Variants in CFAP410 observed in about 807,000 individuals in gnomAD.
CFAP410 encodes cilia- and flagella-associated protein 410.
Under a neutral mutation model 25.7 loss-of-function variants are expected in CFAP410, and 27 were observed. The observed-to-expected ratio is 1.05, with a 90% CI of 0.77 to 1.45. The LOEUF is 1.45. Ranked by LOEUF, CFAP410 falls within the 40% of genes most tolerant of loss-of-function variation. CFAP410 has a pLI of 0.00. For missense variants in CFAP410, 428 were observed against 354.1 expected, an observed-to-expected ratio of 1.21 and a Z score of -1.67; for synonymous variants, 178 against 158.4, an observed-to-expected ratio of 1.12 and a Z score of -0.93.
At position 44,333,221 on chromosome 21, in the gene CFAP410, T is replaced by TA. The variant is rs760843025; in HGVS notation, c.184_185insT (p.Gln62LeufsTer5). ...CCGCAGGTACAGCTCACTCAGGCGC[T>TA]GGCACCGGCTCACAGGCTCCAGGGT... On this transcript the variant is annotated frameshift_variant, in exon 4 of 7. Transcript: ENST00000339818. LOFTEE classifies it high-confidence loss of function. The TA allele has an allele frequency of 1.2e-6, 2 of 1,612,718 alleles. No individual in the cohort carries two copies. Among genetic ancestry groups the TA allele is most frequent in the African/African-American group, 2.7e-5 (2 of 74,928 alleles).
At chr21:44,330,569 C>G (rs1373110241) in intron 6 of CFAP410, 2 of 1,549,544 alleles carry the variant, frequency 1.3e-6, no homozygotes, top group Non-Finnish European at 1.7e-6. Flanking sequence ...CCCGGGCCCA[C>G]ATTCCACAGA....
chr21:44,334,065 A>G (rs1353958852), intron 3 of CFAP410: 1 of 455,144 alleles, frequency 2.2e-6, no homozygotes, highest in African/African-American at 2.0e-5. Flanking sequence ...TTTTACCAAG[A>G]GCAAAACTCC....
chr21:44,333,075 C>G lies in CFAP410; in HGVS notation c.331G>C (p.Val111Leu), dbSNP rs555164150. ...GTSPHRYRMT[V>L]LRTLPRLQKL... ...TGTAGGCGCGGCAGGGTGCGCAGCACGGTCATGCGGTAGCGGTGGGGGCTG... is the reference window on the plus strand; with the variant it reads ...TGTAGGCGCGGCAGGGTGCGCAGCAGGGTCATGCGGTAGCGGTGGGGGCTG... The change falls in exon 4 of 7, where the codon GTG becomes CTG. Residue 111 changes from valine (V) to leucine (L), a missense_variant. Val to Leu is a conservative substitution (Grantham distance 32). Transcript: ENST00000339818. 3 of 1,607,924 alleles carry G rather than the reference C, an allele frequency of 1.9e-6. No homozygotes were observed. In the African/African-American group the frequency reaches 4.0e-5, roughly 21 times the overall value.
At chr21:44,332,717 T>G in intron 4 of CFAP410, 1 of 390,024 alleles carries the variant, frequency 2.6e-6, no homozygotes. Flanking sequence ...CGCATGGCGA[T>G]GGTCAGAGCA....
intron 2 of CFAP410, 117 bp downstream of exon 2, chr21:44,337,532 T>C (rs550078481): frequency 4.7e-5 from 39 of 833,874 alleles, no homozygotes; most frequent in Middle Eastern, 2.3e-4. Context: ...TGGGACTGAA[T>C]TGATAGGTGC....
chr21:44,338,084 T>C (rs566754532), intron 1 of CFAP410: 11 of 328,752 alleles, frequency 3.3e-5, no homozygotes, highest in Non-Finnish European at 6.3e-5. Context: ...AACAGGGTTG[T>C]TGTTTCTCCC....
intron 3 of CFAP410, chr21:44,334,759 AAGGCTCGGGC>A (rs2047722149): frequency 5.1e-6 from 1 of 196,796 alleles, no homozygotes; most frequent in Admixed American, 5.5e-5. Context: ...TTCATTCAGC[AAGGCTCGGGC>A]AGGACAGGCT....
intron 4 of CFAP410, chr21:44,332,818 A>G: frequency 2.2e-5 from 13 of 579,972 alleles, no homozygotes; most frequent in Non-Finnish European, 4.0e-5. Context: ...TGTCAGTCCC[A>G]GGAGGGACCC....
chr21:44,330,351 A>C (rs1019154843), intron 6 of CFAP410, 25 bp from the exon 7 acceptor site: 2 of 1,600,490 alleles, frequency 1.2e-6, no homozygotes, highest in Non-Finnish European at 1.7e-6. Context: ...GTGCGGACTA[A>C]GCCCACCCGG....
At position 44,330,071 on chromosome 21, in the gene CFAP410, G is replaced by C. The variant is rs1430874331; in HGVS notation, c.*127C>G. On this transcript the variant is annotated 3_prime_UTR_variant, in exon 7 of 7. Coordinates refer to ENST00000339818, the MANE Select transcript of CFAP410 (RefSeq NM_004928.3). ...ACACCCACTCCTGCCCTCGGCCGATGTGGCAAACCGGGGAGGCTTTTGTGT... is the reference window on the plus strand; with the variant it reads ...ACACCCACTCCTGCCCTCGGCCGATCTGGCAAACCGGGGAGGCTTTTGTGT... 6 of 1,135,820 alleles carry C rather than the reference G, an allele frequency of 5.3e-6. No individual in the cohort carries two copies. The highest frequency in any genetic ancestry group is 1.5e-5 in the African/African-American group (1 of 65,192). The allele number at this position is 1,135,820 out of a possible 1,614,324, so 70.4% of individuals were successfully genotyped here.
chr21:44,331,117 TAC>T, intron 5 of CFAP410, 198 bp from the exon 6 acceptor site: 1 of 597,482 alleles, frequency 1.7e-6, no homozygotes. Context: ...GCCCGGCACT[TAC>T]TTCACCTGTG....
rs1315642244 is a variant in CFAP410 at position 44,330,934 on chromosome 21, A to G, written c.546-15T>C. On this transcript the variant is annotated splice_polypyrimidine_tract_variant and intron_variant, in intron 5 of 6. Coordinates refer to ENST00000339818, the MANE Select transcript of CFAP410 (RefSeq NM_004928.3). ...GGGCGCCGCTGCTGAGAGGGAGACA[A>G]AGGCGTGTGAGGGTCAGGGGGCTCG... 4 of 1,569,940 alleles carry G rather than the reference A, an allele frequency of 2.5e-6. No individual in the cohort carries two copies. The South Asian group carries it at 3.5e-5, about 14-fold the overall frequency.
At position 44,337,477 on chromosome 21, in the gene CFAP410, T is replaced by C. The variant is rs9977790; in HGVS notation, c.96+172A>G. On this transcript the variant is annotated intron_variant, in intron 2 of 6. Transcript: ENST00000339818. The stretch of plus-strand genomic sequence containing the variant: ...CACTAGAGAATTGTTTTTCCATTAG[T>C]GGTTCTGCAGAATGAAAACCGCTAA... 0.026 allele frequency among the ~76,000 whole-genome samples: 4,033 copies of C among 152,304 alleles called. 206 individuals are homozygous for C. The highest frequency in any genetic ancestry group is 0.091 in the African/African-American group (3,797 of 41,534).
In CFAP410 at chr21:44,333,202, G is replaced by T; in HGVS notation, c.204C>A (p.Tyr68Ter). The change falls in exon 4 of 7, where the codon TAC becomes TAA. Residue 68 changes from tyrosine (Y) to a stop codon, truncating the protein, a stop_gained. Transcript: ENST00000339818. LOFTEE classifies it high-confidence loss of function. ...GGCTGGGGATGCGGTTCCTCCGCAG[G>T]TACAGCTCACTCAGGCGCTGGCACC... ...VSRCQRLSEL[Y>*]LRRNRIPSLA... 2 of 1,612,976 alleles carry T rather than the reference G, an allele frequency of 1.2e-6. No individual in the cohort carries two copies. Among genetic ancestry groups the T allele is most frequent in the Non-Finnish European group, 1.7e-6 (2 of 1,179,964 alleles).
intron 4 of CFAP410, 119 bp from the exon 5 acceptor site, chr21:44,332,133 G>A (rs1010847354): frequency 4.3e-5 from 34 of 781,950 alleles, no homozygotes; most frequent in East Asian, 8.9e-5. Flanking sequence ...ATGCATGCAC[G>A]TGTATCCACC....
At chr21:44,333,902 C>G (rs910120820) in intron 3 of CFAP410, 1 of 358,542 alleles carries the variant, frequency 2.8e-6, no homozygotes, top group African/African-American at 2.1e-5. Context: ...GGCCCCCTGC[C>G]TGGAGGGCTG....
chr21:44,335,688 A>G (rs1030536546), intron 3 of CFAP410, 70 bp downstream of exon 3: 198 of 1,204,402 alleles, frequency 1.6e-4, no homozygotes, highest in Non-Finnish European at 2.2e-4. Flanking sequence ...GCTGGGTCCC[A>G]CTGGAGGGAC....
Position 44,330,918 on chromosome 21 carries a change from T to C in CFAP410, c.547A>G (p.Ser183Gly). ...DPLDSEEEAT[S>G]GAQDERGLKP... ...AGGCCACGTTCATCCTGGGCGCCGC[T>C]GCTGAGAGGGAGACAAAGGCGTGTG... The change falls in exon 6 of 7, where the codon AGC becomes GGC. Residue 183 changes from serine to glycine, a missense_variant and splice_region_variant. Coordinates refer to ENST00000339818, the MANE Select transcript of CFAP410 (RefSeq NM_004928.3). The C allele has an allele frequency of 6.3e-7, 1 of 1,588,638 alleles. No homozygotes were observed. The highest frequency in any genetic ancestry group is 8.6e-7 in the Non-Finnish European group (1 of 1,164,314).
chr21:44,338,162 G>T, intron 1 of CFAP410: 2 of 712,818 alleles, frequency 2.8e-6, no homozygotes, highest in South Asian at 3.9e-5. Context: ...AAATGACACG[G>T]GAATTGTAGC....
Sources: allele counts gnomAD v4.1 joint callset (sites outside exome capture counted in the v4.1 genomes callset), GRCh38; gene constraint gnomAD v4.1.1; transcripts MANE v1.5; gene names NCBI Gene and HGNC (gene_info 2026-07-23, HGNC 2026-07-21).